The following ROR2 variants were observed in gnomAD, a reference collection of about 807,000 sequenced individuals.
The protein encoded by ROR2 is tyrosine-protein kinase transmembrane receptor ROR2.
Under a neutral mutation model 74.9 loss-of-function variants are expected in ROR2, and 33 were observed. The observed-to-expected ratio is 0.44, with a 90% CI of 0.33 to 0.59. The LOEUF (loss-of-function observed/expected upper bound fraction) is 0.59. Among genes scored for constraint, ROR2 ranks in the 20% least tolerant of loss-of-function variants. The pLI is 0.02. For synonymous variants in ROR2, 586 were observed against 558.7 expected, an observed-to-expected ratio of 1.05 and a Z score of -0.69; for missense variants, 1,216 against 1,313.8, an observed-to-expected ratio of 0.93 and a Z score of 1.15.
At position 91,950,100 on chromosome 9, in the gene ROR2, CG is replaced by C. The variant is rs567317153; in HGVS notation, c.-138del. 102 of 442,204 alleles carry C rather than the reference CG, an allele frequency of 2.3e-4. No individual in the cohort carries two copies. Among genetic ancestry groups the C allele is most frequent in the African/African-American group, 2.1e-3 (100 of 47,794 alleles). The allele number at this position is 442,204 out of a possible 1,614,324, so 27.4% of individuals were successfully genotyped here. A position where few individuals can be genotyped will look rare whatever the true frequency, so the allele number is the denominator to read the frequency against. On this transcript the variant is annotated 5_prime_UTR_variant, in exon 1 of 9. Coordinates refer to ENST00000375708, the MANE Select transcript of ROR2 (RefSeq NM_004560.4). ...GCAAACGGGTCCACTTCGAGGACCT[CG>C]TCGTCGTCCTCTTCTCCGGCCCGGA...
intron 1 of ROR2, among the ~76,000 whole-genome samples, chr9:91,936,903 G>A (rs965121290): frequency 6.7e-6 from 1 of 149,700 alleles, no homozygotes; most frequent in Non-Finnish European, 1.5e-5. Context: ...AGTGGCGGGC[G>A]CCTGTAGTCC....
intron 1 of ROR2, among the ~76,000 whole-genome samples, chr9:91,830,140 T>C (rs1377351569): frequency 6.6e-6 from 1 of 152,224 alleles, no homozygotes; most frequent in African/African-American, 2.4e-5. Context: ...TTCCTTTCTT[T>C]ACACCCATTG....
intron 1 of ROR2, among the ~76,000 whole-genome samples, chr9:91,813,532 G>A (rs1426033095): frequency 3.3e-5 from 5 of 152,182 alleles, no homozygotes; most frequent in African/African-American, 4.8e-5. Context: ...TGGGAGTCAA[G>A]AAAGGGGCTT....
intron 4 of ROR2, among the ~76,000 whole-genome samples, chr9:91,741,644 T>A (rs760871238): frequency 2.0e-5 from 3 of 152,224 alleles, no homozygotes; most frequent in Non-Finnish European, 2.9e-5. Context: ...ATTGTTTTGT[T>A]ACAAAGTAGT....
intron 1 of ROR2, among the ~76,000 whole-genome samples, chr9:91,932,454 C>T (rs920685599): frequency 6.6e-6 from 1 of 151,860 alleles, no homozygotes; most frequent in Admixed American, 6.6e-5. Flanking sequence ...GTCTTAGATT[C>T]ATGACCAGGC....
chr9:91,801,624 C>T (rs1407629683), intron 1 of ROR2, among the ~76,000 whole-genome samples: 1 of 152,242 alleles, frequency 6.6e-6, no homozygotes, highest in African/African-American at 2.4e-5. Context: ...GCCACAGCTC[C>T]TGGCCTGCAT....
At chr9:91,909,600 C>A (rs1830902027) in intron 1 of ROR2, among the ~76,000 whole-genome samples, 1 of 151,408 alleles carries the variant, frequency 6.6e-6, no homozygotes, top group Non-Finnish European at 1.5e-5. Context: ...AATCCTCCCA[C>A]CTCAGCCTCC....
intron 6 of ROR2, among the ~76,000 whole-genome samples, chr9:91,732,860 T>C (rs911374132): frequency 6.6e-6 from 1 of 152,202 alleles, no homozygotes; most frequent in African/African-American, 2.4e-5. Flanking sequence ...GTGGAGGGAC[T>C]TCACCTGAGT....
chr9:91,829,301 G>A (rs188988857), intron 1 of ROR2, among the ~76,000 whole-genome samples: 59 of 152,218 alleles, frequency 3.9e-4, no homozygotes, highest in African/African-American at 1.4e-3. Context: ...CTTGCACTTT[G>A]GGAGACTGAG....
At chr9:91,818,761 A>C (rs904631420) in intron 1 of ROR2, among the ~76,000 whole-genome samples, 3 of 152,090 alleles carry the variant, frequency 2.0e-5, no homozygotes, top group African/African-American at 7.2e-5. Flanking sequence ...TGGAGATGGA[A>C]ATACCAATGG....
chr9:91,731,263 T>TA, intron 6 of ROR2, 108 bp from the exon 7 acceptor site: 1 of 1,518,406 alleles, frequency 6.6e-7, no homozygotes, highest in Non-Finnish European at 9.0e-7. Context: ...TTACATAACT[T>TA]ACCAGAAAAG....
chr9:91,823,013 T>C (rs532292581), intron 1 of ROR2, among the ~76,000 whole-genome samples: 1 of 152,316 alleles, frequency 6.6e-6, no homozygotes, highest in Admixed American at 6.5e-5. Flanking sequence ...ATAACTAGCT[T>C]TTCCTCTTCT....
Position 91,822,831 on chromosome 9 carries a change from C to T in ROR2, c.98-47013G>A, listed in dbSNP as rs112755748. ...GACACAGTGGGACCACTGACCCCTACGTGTGATGCAGCCAGACGTGCACAG... is the reference window on the plus strand; with the variant it reads ...GACACAGTGGGACCACTGACCCCTATGTGTGATGCAGCCAGACGTGCACAG... On this transcript the variant is annotated intron_variant, in intron 1 of 8. Transcript: ENST00000375708. 3.1e-3 allele frequency among the ~76,000 whole-genome samples: 468 copies of T among 152,258 alleles called. 4 individuals are homozygous for T. Among genetic ancestry groups the T allele is most frequent in the African/African-American group, 0.01 (416 of 41,542 alleles).
At chr9:91,917,704 G>A (rs1358179027) in intron 1 of ROR2, among the ~76,000 whole-genome samples, 1 of 151,378 alleles carries the variant, frequency 6.6e-6, no homozygotes, top group African/African-American at 2.4e-5. Context: ...GCTGCATAGG[G>A]GAGAGAGATG....
chr9:91,858,665 G>T (rs776102061), intron 1 of ROR2, among the ~76,000 whole-genome samples: 4 of 152,164 alleles, frequency 2.6e-5, no homozygotes, highest in Non-Finnish European at 5.9e-5. Flanking sequence ...TTGTCACTTC[G>T]CTTAAGGACA....
chr9:91,775,611 T>C (rs1826391639), intron 2 of ROR2, 130 bp downstream of exon 2: 4 of 814,366 alleles, frequency 4.9e-6, no homozygotes, highest in Non-Finnish European at 8.4e-6. Context: ...CATTCCACCA[T>C]ACCCACCACC....
intron 4 of ROR2, among the ~76,000 whole-genome samples, chr9:91,740,406 G>T (rs2118746525): frequency 6.6e-6 from 1 of 152,076 alleles, no homozygotes; most frequent in African/African-American, 2.4e-5. Flanking sequence ...AACAAAATTA[G>T]CCAGGCGTAG....
chr9:91,842,500 C>T (rs150301344), intron 1 of ROR2, among the ~76,000 whole-genome samples: 280 of 152,350 alleles, frequency 1.8e-3, no homozygotes, highest in African/African-American at 4.4e-3. Flanking sequence ...TCACCCCGTG[C>T]GTTAGTGTCT....
At chr9:91,900,528 G>A (rs1348217892) in intron 1 of ROR2, among the ~76,000 whole-genome samples, 3 of 152,242 alleles carry the variant, frequency 2.0e-5, no homozygotes, top group African/African-American at 4.8e-5. Context: ...AAATGAGGAA[G>A]GCACCGCGTG....
Sources: gnomAD v4.1 joint callset for allele counts (sites outside exome capture counted in the v4.1 genomes callset) on GRCh38, gnomAD v4.1.1 for gene constraint, MANE v1.5 for transcripts, NCBI Gene and HGNC (gene_info 2026-07-23, HGNC 2026-07-21) for gene names.